Variants in RARB observed in about 807,000 individuals in gnomAD.
RARB encodes retinoic acid receptor beta, also known as HBV-activated protein.
In RARB, 17 loss-of-function variants were observed where a neutral mutation model predicts 51.9. The ratio of observed to expected loss-of-function variants is 0.33; its 90% CI spans 0.22 to 0.49. The LOEUF is 0.49. RARB is among the 20% of genes least tolerant of loss of function. RARB has a pLI of 0.99. For synonymous variants in RARB, 215 were observed against 195.4 expected (o/e 1.10, Z -0.84); for missense variants, 369 against 550.8 (o/e 0.67, Z 3.30).
rs371160631 is a variant in RARB, at chr3:25,248,934, T to C, written c.178+74359T>C. On this transcript the variant is annotated intron_variant, in intron 5 of 11. Coordinates refer to the RARB transcript ENST00000383772. ...TGAATAAGAGTTTTTTAATTATATC[T>C]TTTTGAAAGTCTTTGAGCTTTCTGT... Among the ~76,000 whole-genome samples, 324 of 152,286 alleles carry C rather than the reference T, an allele frequency of 2.1e-3. 1 individual carries two copies. The highest frequency in any genetic ancestry group is 7.4e-3 in the African/African-American group (308 of 41,572).
chr3:25,048,433 TAATA>T (rs781315461), intron 2 of RARB, among the ~76,000 whole-genome samples: 27 of 152,218 alleles, frequency 1.8e-4, no homozygotes, highest in Non-Finnish European at 3.1e-4. Context: ...GAATACATGT[TAATA>T]AATGCAAAAT....
intron 5 of RARB, among the ~76,000 whole-genome samples, chr3:25,418,514 A>T (rs984042631): frequency 2.6e-5 from 4 of 152,144 alleles, no homozygotes; most frequent in African/African-American, 9.7e-5. Flanking sequence ...CAGCAGATAA[A>T]TATAGAGCCA....
At chr3:25,519,998 G>A (rs955105288) in intron 3 of RARB, among the ~76,000 whole-genome samples, 1 of 152,184 alleles carries the variant, frequency 6.6e-6, no homozygotes, top group Non-Finnish European at 1.5e-5. Flanking sequence ...TCAGGGGTCA[G>A]CCTATGAGCC....
chr3:25,171,775 C>CTATG (rs1394890679), intron 4 of RARB, among the ~76,000 whole-genome samples: 1 of 151,518 alleles, frequency 6.6e-6, no homozygotes, highest in African/African-American at 2.4e-5. Flanking sequence ...TATAACAATG[C>CTATG]TATGCTTTGT....
intron 5 of RARB, among the ~76,000 whole-genome samples, chr3:25,372,600 T>C (rs1195452497): frequency 6.6e-6 from 1 of 152,160 alleles, no homozygotes; most frequent in Non-Finnish European, 1.5e-5. Context: ...AGCAGGAGGA[T>C]AGCTTTAGCC....
At chr3:25,174,159 G>C (rs1700697525) in exon 5 of RARB, 1 of 231,092 alleles carries the variant, frequency 4.3e-6, no homozygotes, top group Non-Finnish European at 9.0e-6. Context: ...GTGTCTCACT[G>C]GTCTTAAACT....
intron 1 of RARB, among the ~76,000 whole-genome samples, chr3:25,440,740 T>C (rs1345202514): frequency 1.3e-5 from 2 of 151,964 alleles, no homozygotes; most frequent in Non-Finnish European, 2.9e-5. Context: ...GCCACTGCAC[T>C]CCAGTCTGGA....
intron 5 of RARB, among the ~76,000 whole-genome samples, chr3:25,221,872 T>C (rs1447831342): frequency 6.6e-6 from 1 of 152,134 alleles, no homozygotes; most frequent in Non-Finnish European, 1.5e-5. Context: ...CATTTCCAAG[T>C]GTATAGGGTA....
At chr3:25,533,589 T>G (rs112848293) in intron 3 of RARB, among the ~76,000 whole-genome samples, 3 of 152,212 alleles carry the variant, frequency 2.0e-5, no homozygotes, top group African/African-American at 7.2e-5. Flanking sequence ...TGCCAGCCAG[T>G]AGAGTAAGTA....
intron 7 of RARB, among the ~76,000 whole-genome samples, 161 bp downstream of exon 7, chr3:25,594,839 A>G (rs891093273): frequency 2.6e-5 from 2 of 76,004 alleles, no homozygotes; most frequent in Non-Finnish European, 5.3e-5. Context: ...TCCCCCCTCT[A>G]AAAAAAAAAA....
intron 1 of RARB, among the ~76,000 whole-genome samples, chr3:25,447,369 C>A (rs575357536): frequency 1.3e-5 from 2 of 152,302 alleles, no homozygotes; most frequent in South Asian, 4.1e-4. Context: ...CCATCAGATC[C>A]TTTTTCTAGC....
intron 4 of RARB, among the ~76,000 whole-genome samples, chr3:25,133,213 A>G (rs1381047098): frequency 6.6e-6 from 1 of 152,056 alleles, no homozygotes; most frequent in Non-Finnish European, 1.5e-5. Flanking sequence ...TTAAACATTT[A>G]ACTTGAACGT....
chr3:25,117,945 C>T (rs1219519877), intron 3 of RARB, among the ~76,000 whole-genome samples: 2 of 152,084 alleles, frequency 1.3e-5, no homozygotes, highest in Non-Finnish European at 2.9e-5. Context: ...GAAATAAGGT[C>T]AGGAGTAGAA....
At chr3:25,226,017 AT>A (rs1182035376) in intron 5 of RARB, among the ~76,000 whole-genome samples, 2 of 152,170 alleles carry the variant, frequency 1.3e-5, no homozygotes, top group African/African-American at 4.8e-5. Context: ...CAGTTTGAAT[AT>A]TCATAGATAA....
At chr3:25,308,145 T>A (rs1704197809) in intron 5 of RARB, among the ~76,000 whole-genome samples, 2 of 152,184 alleles carry the variant, frequency 1.3e-5, no homozygotes, top group South Asian at 4.1e-4. Context: ...TGTGTTTGAG[T>A]GAGATGGAGT....
At chr3:25,556,952 A>C (rs1194210684) in intron 3 of RARB, among the ~76,000 whole-genome samples, 1 of 152,228 alleles carries the variant, frequency 6.6e-6, no homozygotes, top group East Asian at 1.9e-4. Flanking sequence ...AGGGCAAGGA[A>C]TAGTTATTAT....
intron 2 of RARB, among the ~76,000 whole-genome samples, chr3:24,956,194 G>A (rs1240341207): frequency 6.6e-6 from 1 of 152,110 alleles, no homozygotes; most frequent in African/African-American, 2.4e-5. Flanking sequence ...CATTTTCTGT[G>A]CTTCAACAAG....
intron 5 of RARB, among the ~76,000 whole-genome samples, chr3:25,310,525 A>G (rs192463084): frequency 1.6e-4 from 24 of 152,332 alleles, no homozygotes; most frequent in Admixed American, 1.4e-3. Flanking sequence ...GGACCTCTCT[A>G]GATACCATGT....
intron 5 of RARB, among the ~76,000 whole-genome samples, chr3:25,360,193 C>T (rs1386710065): frequency 1.3e-5 from 2 of 152,174 alleles, no homozygotes; most frequent in Non-Finnish European, 2.9e-5. Context: ...GGAGAGTTCG[C>T]TCTTCTTGTT....
Sources: gnomAD v4.1 joint callset for allele counts (sites outside exome capture counted in the v4.1 genomes callset) on GRCh38, gnomAD v4.1.1 for gene constraint, MANE v1.5 for transcripts, NCBI Gene and HGNC (gene_info 2026-07-23, HGNC 2026-07-21) for gene names.